Variants in NPAS2 observed in about 807,000 individuals in gnomAD.
NPAS2 encodes neuronal PAS domain protein 2.
In NPAS2, 23 loss-of-function variants were observed where a neutral mutation model predicts 107.5. The observed-to-expected ratio is 0.21, with a 90% CI of 0.15 to 0.30. The LOEUF is 0.30. Among genes scored for constraint, NPAS2 ranks in the 10% least tolerant of loss-of-function variants. The pLI is 1.00. For synonymous variants in NPAS2, 403 were observed against 417.5 expected (o/e 0.97, Z 0.42); for missense variants, 756 against 1,043.3 (o/e 0.72, Z 3.79).
chr2:100,909,120 A>C (rs1682359218), intron 2 of NPAS2, among the ~76,000 whole-genome samples: 1 of 152,206 alleles, frequency 6.6e-6, no homozygotes, highest in Admixed American at 6.5e-5. Context: ...AGGATAGGGT[A>C]GTTTAATGAC....
chr2:100,926,111 G>A (rs1016667209), intron 3 of NPAS2, among the ~76,000 whole-genome samples: 3 of 151,996 alleles, frequency 2.0e-5, no homozygotes, highest in African/African-American at 2.4e-5. Flanking sequence ...ACTTCATTCC[G>A]TTTCATGGAC....
intron 15 of NPAS2, among the ~76,000 whole-genome samples, chr2:100,978,341 T>G (rs1250418840): frequency 6.6e-6 from 1 of 152,204 alleles, no homozygotes; most frequent in East Asian, 1.9e-4. Flanking sequence ...GAGTCTGTTT[T>G]TTTAATTCTT....
chr2:100,843,928 A>G (rs1002898368), intron 1 of NPAS2, among the ~76,000 whole-genome samples: 1 of 152,166 alleles, frequency 6.6e-6, no homozygotes, highest in Admixed American at 6.5e-5. Flanking sequence ...TCCAGCACCC[A>G]TGTCCTCCGT....
intron 2 of NPAS2, 22 bp downstream of exon 2, chr2:100,904,808 G>C (rs200653048): frequency 6.4e-7 from 1 of 1,570,358 alleles, no homozygotes; most frequent in East Asian, 2.2e-5. Context: ...CTGTCCCCCT[G>C]CTCAGCAGAG....
intron 15 of NPAS2, among the ~76,000 whole-genome samples, chr2:100,979,343 CT>C (rs990341399): frequency 1.3e-5 from 2 of 151,740 alleles, no homozygotes; most frequent in African/African-American, 4.8e-5. Context: ...ATGAAAATGT[CT>C]TTAACTTCTG....
chr2:100,988,346 C>A, intron 17 of NPAS2, 70 bp downstream of exon 17: 1 of 1,361,234 alleles, frequency 7.3e-7, no homozygotes, highest in South Asian at 1.2e-5. Context: ...TTGGGACATA[C>A]TTGATTCCTG....
intron 1 of NPAS2, among the ~76,000 whole-genome samples, chr2:100,876,539 A>C (rs554839720): frequency 6.6e-6 from 1 of 152,336 alleles, no homozygotes; most frequent in East Asian, 1.9e-4. Context: ...GTTGCTTTCC[A>C]AATAATTCTG....
intron 1 of NPAS2, among the ~76,000 whole-genome samples, chr2:100,824,324 G>A (rs1676245629): frequency 1.3e-5 from 2 of 152,206 alleles, no homozygotes; most frequent in South Asian, 2.1e-4. Flanking sequence ...ACCCTCTCCT[G>A]CAGTCCCTGG....
chr2:100,963,237 A>G (rs1216049897), intron 7 of NPAS2, among the ~76,000 whole-genome samples: 2 of 152,238 alleles, frequency 1.3e-5, no homozygotes, highest in Non-Finnish European at 2.9e-5. Context: ...CAGCCAAGAC[A>G]GGGGCAGGGA....
intron 1 of NPAS2, among the ~76,000 whole-genome samples, chr2:100,824,534 G>A (rs1021167289): frequency 1.3e-5 from 2 of 152,204 alleles, no homozygotes; most frequent in Non-Finnish European, 2.9e-5. Context: ...CAGGATCAAA[G>A]CCATCAATCT....
At chr2:100,829,291 T>C (rs1187650200) in intron 1 of NPAS2, among the ~76,000 whole-genome samples, 1 of 151,878 alleles carries the variant, frequency 6.6e-6, no homozygotes, top group East Asian at 1.9e-4. Context: ...TAGTTGGGAC[T>C]ACAGGCACGC....
At chr2:100,927,991 T>C (rs1211700286) in intron 3 of NPAS2, among the ~76,000 whole-genome samples, 1 of 152,218 alleles carries the variant, frequency 6.6e-6, no homozygotes, top group Admixed American at 6.5e-5. Flanking sequence ...ATGCAGGCAG[T>C]GATGTGTCTC....
intron 1 of NPAS2, among the ~76,000 whole-genome samples, chr2:100,871,349 T>A (rs1180793377): frequency 8.9e-6 from 1 of 112,614 alleles, no homozygotes; most frequent in African/African-American, 3.1e-5. Context: ...TTTTTTTTTT[T>A]AAAGACAGTC....
chr2:100,992,691 G>C (rs1338015995), intron 19 of NPAS2, among the ~76,000 whole-genome samples: 2 of 152,202 alleles, frequency 1.3e-5, no homozygotes, highest in African/African-American at 2.4e-5. Context: ...CTGATGCTGA[G>C]TATGTTTTCA....
intron 1 of NPAS2, among the ~76,000 whole-genome samples, chr2:100,839,157 C>G (rs79616540): frequency 9.9e-5 from 15 of 152,166 alleles, no homozygotes; most frequent in African/African-American, 3.4e-4. Flanking sequence ...TTGAGACAGT[C>G]TCTCTCTGTT....
chr2:100,981,703 G>A (rs1231473780), intron 15 of NPAS2, among the ~76,000 whole-genome samples: 1 of 152,076 alleles, frequency 6.6e-6, no homozygotes, highest in South Asian at 2.1e-4. Context: ...GAGGGTGAGG[G>A]GGAATGAAAA....
chr2:100,886,984 A>C (rs1022543771), intron 1 of NPAS2, among the ~76,000 whole-genome samples: 2 of 152,240 alleles, frequency 1.3e-5, no homozygotes, highest in Admixed American at 6.5e-5. Context: ...TTTGTTATAA[A>C]CGTGACATAA....
At chr2:100,914,210 C>T (rs1682729460) in intron 2 of NPAS2, among the ~76,000 whole-genome samples, 1 of 152,118 alleles carries the variant, frequency 6.6e-6, no homozygotes, top group South Asian at 2.1e-4. Flanking sequence ...ATGGCCCTCT[C>T]CTGCCTTGCA....
At chr2:100,864,518 C>T (rs923021992) in intron 1 of NPAS2, among the ~76,000 whole-genome samples, 1 of 152,156 alleles carries the variant, frequency 6.6e-6, no homozygotes, top group African/African-American at 2.4e-5. Flanking sequence ...CCTTGGGACA[C>T]GTGGGAAGTG....
Sources: gnomAD v4.1 joint callset for allele counts (sites outside exome capture counted in the v4.1 genomes callset) on GRCh38, gnomAD v4.1.1 for gene constraint, MANE v1.5 for transcripts, NCBI Gene and HGNC (gene_info 2026-07-23, HGNC 2026-07-21) for gene names.